Variants in HMCN1 observed in about 807,000 individuals in gnomAD.
HMCN1 encodes the protein hemicentin 1, also known as hemicentin-1.
Under a neutral mutation model 625.9 loss-of-function variants are expected in HMCN1, and 321 were observed. That is an observed-to-expected ratio of 0.51 (90% CI 0.47 to 0.56). The LOEUF is 0.56. Among genes scored for constraint, HMCN1 ranks in the 20% least tolerant of loss-of-function variants. The pLI, the probability that HMCN1 is intolerant of heterozygous loss-of-function variation, is 0.00. For missense variants in HMCN1, 6,588 were observed against 6,887.3 expected (o/e 0.96, Z 1.54); for synonymous variants, 2,425 against 2,417.6 (o/e 1.00, Z -0.09).
chr1:186,178,925 T>C (rs984738752), intron 104 of HMCN1, among the ~76,000 whole-genome samples, 159 bp downstream of exon 104: 5 of 152,218 alleles, frequency 3.3e-5, no homozygotes, highest in African/African-American at 1.2e-4. Context: ...CCTAAAACTA[T>C]TACAGACTTG....
intron 10 of HMCN1, among the ~76,000 whole-genome samples, chr1:185,928,933 CTG>C (rs1446716719): frequency 1.3e-5 from 2 of 151,964 alleles, no homozygotes; most frequent in African/African-American, 2.4e-5. Flanking sequence ...CATGGGGAAA[CTG>C]TGAGGATTAA....
At chr1:186,129,045 TTAA>T (rs1661790134) in intron 83 of HMCN1, among the ~76,000 whole-genome samples, 1 of 152,076 alleles carries the variant, frequency 6.6e-6, no homozygotes, top group African/African-American at 2.4e-5. Context: ...CTGCATTACC[TTAA>T]TAACAATACA....
At chr1:186,034,741 T>A (rs1213585119) in intron 36 of HMCN1, among the ~76,000 whole-genome samples, 1 of 152,186 alleles carries the variant, frequency 6.6e-6, no homozygotes, top group Non-Finnish European at 1.5e-5. Flanking sequence ...TTAATGAAAT[T>A]TAGCATTTAT....
At position 185,780,472 on chromosome 1, in the gene HMCN1, T is replaced by C. The variant is rs188777053; in HGVS notation, c.268+45425T>C. 7.3e-3 allele frequency among the ~76,000 whole-genome samples: 1,118 copies of C among 152,320 alleles called. 9 individuals are homozygous for C. Among genetic ancestry groups the C allele is most frequent in the Middle Eastern group, 0.027 (8 of 294 alleles). On this transcript the variant is annotated intron_variant, in intron 1 of 106. Transcript: ENST00000271588. ...CAGTTTTTGCCCATTCAGTATGATA[T>C]TGGCTGTGGGTTTGTCATAAATAGC...
intron 30 of HMCN1, among the ~76,000 whole-genome samples, chr1:186,011,656 A>G (rs1356907186): frequency 6.6e-6 from 1 of 152,200 alleles, no homozygotes; most frequent in Non-Finnish European, 1.5e-5. Context: ...AGCTCAGAAA[A>G]TATATCCACT....
intron 1 of HMCN1, among the ~76,000 whole-genome samples, chr1:185,748,489 C>G (rs918892740): frequency 6.6e-6 from 1 of 152,024 alleles, no homozygotes; most frequent in African/African-American, 2.4e-5. Flanking sequence ...TATTGAGATC[C>G]CTTTCTATAT....
intron 38 of HMCN1, among the ~76,000 whole-genome samples, chr1:186,039,514 C>T (rs1656067940): frequency 6.6e-6 from 1 of 152,050 alleles, no homozygotes; most frequent in Non-Finnish European, 1.5e-5. Context: ...TGTTTTTCCT[C>T]ATCTGTGAAA....
At chr1:185,930,907 TACACACACAC>T (rs3030426) in intron 10 of HMCN1, among the ~76,000 whole-genome samples, 5 of 138,954 alleles carry the variant, frequency 3.6e-5, no homozygotes, top group Admixed American at 7.2e-5. Flanking sequence ...TTTCACCCAA[TACACACACAC>T]ACACACACAC....
intron 58 of HMCN1, 135 bp downstream of exon 58, chr1:186,086,542 C>A: frequency 1.1e-6 from 1 of 878,840 alleles, no homozygotes; most frequent in Non-Finnish European, 1.8e-6. Flanking sequence ...CTCTCTTTGC[C>A]CATTTGTGGT....
chr1:186,065,621 A>G (rs1658060824), intron 49 of HMCN1, among the ~76,000 whole-genome samples, 192 bp downstream of exon 49: 1 of 152,238 alleles, frequency 6.6e-6, no homozygotes, highest in Non-Finnish European at 1.5e-5. Flanking sequence ...AATACCTACT[A>G]TGTTCTAGGC....
chr1:185,839,552 G>A (rs1269620067), intron 1 of HMCN1, among the ~76,000 whole-genome samples: 1 of 152,172 alleles, frequency 6.6e-6, no homozygotes, highest in Non-Finnish European at 1.5e-5. Context: ...ATGTAAAGCT[G>A]AGAGTCTGAA....
At chr1:186,032,031 T>C (rs913623543) in intron 36 of HMCN1, among the ~76,000 whole-genome samples, 2 of 151,718 alleles carry the variant, frequency 1.3e-5, no homozygotes, top group Non-Finnish European at 2.9e-5. Flanking sequence ...TTATATAGTA[T>C]TTGTTACAAA....
intron 53 of HMCN1, among the ~76,000 whole-genome samples, chr1:186,075,883 TTTATG>T (rs1410593260): frequency 6.6e-6 from 1 of 152,098 alleles, no homozygotes; most frequent in Non-Finnish European, 1.5e-5. Context: ...TGTGATAAAT[TTTATG>T]TTATGCACTC....
chr1:186,025,017 G>A (rs1337814967), intron 36 of HMCN1, among the ~76,000 whole-genome samples: 1 of 152,134 alleles, frequency 6.6e-6, no homozygotes. Context: ...TAGAATCAGT[G>A]GAAGCCCTGA....
At position 186,069,740 on chromosome 1, in the gene HMCN1, G is replaced by T. The variant is rs1172387552; in HGVS notation, c.7957G>T (p.Gly2653Ter). ...CTCTTGTGTAGCCACGAATGAGGCT[G>T]GAGAAATGATAAAGCACTATGAAGT... ...RYSCVATNEA[G>*]EMIKHYEVKV... Residue 2653 changes from glycine (G) to a stop codon, truncating the protein, a stop_gained, in exon 51 of 107, where the codon GGA (glycine) becomes TGA (stop). Transcript: ENST00000271588. LOFTEE classifies it high-confidence loss of function. The T allele has an allele frequency of 6.2e-7, 1 of 1,613,128 alleles. No homozygotes were observed. The highest frequency in any genetic ancestry group is 1.1e-5 in the South Asian group (1 of 90,932).
chr1:185,802,271 G>A (rs557147827), intron 1 of HMCN1, among the ~76,000 whole-genome samples: 1 of 152,118 alleles, frequency 6.6e-6, no homozygotes, highest in Non-Finnish European at 1.5e-5. Flanking sequence ...TCAGATTGAA[G>A]GGTAGAGGTG....
intron 100 of HMCN1, among the ~76,000 whole-genome samples, chr1:186,167,440 T>C (rs2383457): frequency 0.37 from 55,840 of 151,998 alleles, 10,774 homozygotes; most frequent in African/African-American, 0.46. Context: ...TATCAATATC[T>C]CACACCAGGG....
chr1:186,173,466 C>A (rs1045627599), intron 102 of HMCN1, among the ~76,000 whole-genome samples: 1 of 151,534 alleles, frequency 6.6e-6, no homozygotes, highest in South Asian at 2.1e-4. Context: ...CATGGTGGAA[C>A]CTCATCTCTA....
chr1:185,932,141 T>C (rs1667582181), intron 10 of HMCN1, among the ~76,000 whole-genome samples: 1 of 152,200 alleles, frequency 6.6e-6, no homozygotes, highest in South Asian at 2.1e-4. Context: ...AAGCTTCCTT[T>C]ACCTGTATTC....
Sources: allele counts gnomAD v4.1 joint callset (sites outside exome capture counted in the v4.1 genomes callset), GRCh38; gene constraint gnomAD v4.1.1; transcripts MANE v1.5; gene names NCBI Gene and HGNC (gene_info 2026-07-23, HGNC 2026-07-21).